TAS2R1: variants seen among roughly 807,000 people sequenced by gnomAD.
The protein encoded by TAS2R1 is taste receptor type 2 member 1.
For missense variants in TAS2R1, 370 were observed against 353.4 expected (o/e 1.05, Z -0.38); for synonymous variants, 141 against 134.2 (o/e 1.05, Z -0.35).
chr5:9,786,899 A>G, the TAS2R1 span, among the ~76,000 whole-genome samples: 50 of 152,308 alleles, frequency 3.3e-4, no homozygotes, highest in African/African-American at 1.1e-3. Flanking sequence ...TGCATAAGCC[A>G]CATCATTCTT....
At chr5:9,803,833 A>C in the TAS2R1 span, among the ~76,000 whole-genome samples, 87 of 152,258 alleles carry the variant, frequency 5.7e-4, no homozygotes, top group African/African-American at 1.9e-3. Context: ...TAACACAATG[A>C]AAAAAAGGTA....
intron 1 of TAS2R1, among the ~76,000 whole-genome samples, chr5:9,707,830 T>C (rs1162149665): frequency 6.6e-6 from 1 of 152,132 alleles, no homozygotes; most frequent in East Asian, 1.9e-4. Context: ...CTAACTACTG[T>C]GCAGGAGCTG....
intron 1 of TAS2R1, among the ~76,000 whole-genome samples, chr5:9,676,901 C>T (rs1240544094): frequency 1.3e-5 from 2 of 152,150 alleles, no homozygotes; most frequent in Non-Finnish European, 2.9e-5. Context: ...AATCACATTA[C>T]TGGGTTTTTA....
intron 2 of TAS2R1, among the ~76,000 whole-genome samples, chr5:9,655,149 G>A (rs1447451962): frequency 6.6e-6 from 1 of 152,056 alleles, no homozygotes; most frequent in African/African-American, 2.4e-5. Flanking sequence ...AGGCCTGCAG[G>A]GTTTATGGGA....
upstream of TAS2R1, among the ~76,000 whole-genome samples, chr5:9,712,651 C>T (rs557997075): frequency 6.6e-6 from 1 of 152,328 alleles, no homozygotes; most frequent in Non-Finnish European, 1.5e-5. Context: ...TTCCAGCCTG[C>T]TGGCTTGTCC....
the TAS2R1 span, among the ~76,000 whole-genome samples, chr5:9,752,299 T>C: frequency 1.3e-5 from 2 of 152,208 alleles, no homozygotes; most frequent in Non-Finnish European, 2.9e-5. Context: ...TGTCAGCCAA[T>C]GTTAGCTTTT....
chr5:9,690,104 G>A (rs576331524), intron 1 of TAS2R1, among the ~76,000 whole-genome samples: 15 of 152,196 alleles, frequency 9.9e-5, no homozygotes, highest in South Asian at 4.2e-4. Context: ...ACCTAAAAAC[G>A]TGACTAGAAT....
At chr5:9,731,917 A>T in the TAS2R1 span, among the ~76,000 whole-genome samples, 1 of 152,226 alleles carries the variant, frequency 6.6e-6, no homozygotes, top group Admixed American at 6.5e-5. Flanking sequence ...TTTGCTAGTT[A>T]TGGTTAACGC....
chr5:9,683,441 T>C (rs1741065706), intron 1 of TAS2R1, among the ~76,000 whole-genome samples: 2 of 152,200 alleles, frequency 1.3e-5, no homozygotes, highest in African/African-American at 4.8e-5. Context: ...CTGATAGTAT[T>C]GTCAAGGAGG....
chr5:9,740,659 AG>A, the TAS2R1 span, among the ~76,000 whole-genome samples: 1 of 152,324 alleles, frequency 6.6e-6, no homozygotes, highest in African/African-American at 2.4e-5. Flanking sequence ...TTGAGTGGGC[AG>A]GGGTTAAGGG....
chr5:9,741,775 C>G, the TAS2R1 span, among the ~76,000 whole-genome samples: 1 of 152,144 alleles, frequency 6.6e-6, no homozygotes. Context: ...CCCCTAAAAG[C>G]TCCTCCCAGT....
At chr5:9,791,544 C>CA in the TAS2R1 span, among the ~76,000 whole-genome samples, 1 of 151,984 alleles carries the variant, frequency 6.6e-6, no homozygotes, top group Non-Finnish European at 1.5e-5. Flanking sequence ...ACTAAAAATA[C>CA]AAAAATTGGC....
At chr5:9,758,949 G>A in the TAS2R1 span, among the ~76,000 whole-genome samples, 2,417 of 152,180 alleles carry the variant, frequency 0.016, 57 homozygotes, top group African/African-American at 0.053. Flanking sequence ...ATGAAAAAAC[G>A]CTGATATTTA....
At chr5:9,880,681 A>T in the TAS2R1 span, among the ~76,000 whole-genome samples, 6 of 152,334 alleles carry the variant, frequency 3.9e-5, no homozygotes, top group East Asian at 5.8e-4. Context: ...AAGTGTCCCC[A>T]GTGAGAATAG....
At chr5:9,681,552 ATGCCCTCCC>A (rs1740997182) in intron 1 of TAS2R1, among the ~76,000 whole-genome samples, 1 of 147,452 alleles carries the variant, frequency 6.8e-6, no homozygotes. Flanking sequence ...AAAAAAAAAG[ATGCCCTCCC>A]ACAATTACCT....
chr5:9,657,198 T>C (rs1403095114), intron 2 of TAS2R1, among the ~76,000 whole-genome samples: 1 of 152,184 alleles, frequency 6.6e-6, no homozygotes, highest in East Asian at 1.9e-4. Context: ...ATTTTTCTTT[T>C]CATTTTATGA....
chr5:9,633,293 A>ATTATATATATATATATAT (rs1739904107), upstream of TAS2R1, among the ~76,000 whole-genome samples: 1 of 62,558 alleles, frequency 1.6e-5, no homozygotes, highest in African/African-American at 7.1e-5. Flanking sequence ...GTGTGTGTAT[A>ATTATATATATATATATAT]TTATATATAT....
At chr5:9,633,588 T>C (rs1739917469), upstream of TAS2R1, among the ~76,000 whole-genome samples, 1 of 151,908 alleles carries the variant, frequency 6.6e-6, no homozygotes, top group Admixed American at 6.6e-5. Flanking sequence ...GTTCCCTTTA[T>C]ACCACATCCA....
At chr5:9,863,731 T>C in the TAS2R1 span, among the ~76,000 whole-genome samples, 2 of 152,130 alleles carry the variant, frequency 1.3e-5, no homozygotes, top group Non-Finnish European at 2.9e-5. Context: ...CAAGAGGAAA[T>C]TGTGAAAAGT....
Sources: gnomAD v4.1 joint callset for allele counts (sites outside exome capture counted in the v4.1 genomes callset) on GRCh38, gnomAD v4.1.1 for gene constraint, MANE v1.5 for transcripts, NCBI Gene and HGNC (gene_info 2026-07-23, HGNC 2026-07-21) for gene names.